The following CAMTA1 variants were observed in gnomAD, a reference collection of about 807,000 sequenced individuals.
CAMTA1 encodes calmodulin-binding transcription activator 1.
A neutral mutation model predicts 170.9 loss-of-function variants in CAMTA1; 27 were observed. The ratio of observed to expected loss-of-function variants is 0.16; its 90% CI spans 0.12 to 0.22. The LOEUF (loss-of-function observed/expected upper bound fraction) is 0.22, where lower values mean the gene tolerates loss of function less well. Ranked by LOEUF, CAMTA1 falls within the 10% of genes least tolerant of loss-of-function variation. The pLI, the probability that CAMTA1 is intolerant of heterozygous loss-of-function variation, is 1.00. For missense variants in CAMTA1, 1,619 were observed against 2,217.2 expected, an observed-to-expected ratio of 0.73 and a Z score of 5.42; for synonymous variants, 833 against 891.5, an observed-to-expected ratio of 0.93 and a Z score of 1.17.
At chr1:6,843,780 C>T (rs960738844) in intron 3 of CAMTA1, among the ~76,000 whole-genome samples, 4 of 152,280 alleles carry the variant, frequency 2.6e-5, no homozygotes, top group African/African-American at 9.6e-5. Flanking sequence ...GCGCCCGGCC[C>T]CAAACTTTTT....
At chr1:6,967,070 T>C (rs12021699) in intron 3 of CAMTA1, among the ~76,000 whole-genome samples, 149,324 of 151,462 alleles carry the variant, frequency 0.99, 73,632 homozygotes, top group Middle Eastern at 1. Flanking sequence ...GGTGAAACCC[T>C]GTCTCTACTA....
intron 6 of CAMTA1, among the ~76,000 whole-genome samples, chr1:7,632,681 G>A (rs1424793927): frequency 6.6e-6 from 1 of 152,264 alleles, no homozygotes; most frequent in Non-Finnish European, 1.5e-5. Flanking sequence ...CCAGGGCGGT[G>A]GGACCCTGCT....
At chr1:7,265,957 A>C (rs1209511969) in intron 5 of CAMTA1, among the ~76,000 whole-genome samples, 1 of 152,216 alleles carries the variant, frequency 6.6e-6, no homozygotes, top group Non-Finnish European at 1.5e-5. Context: ...TGGAGACTTG[A>C]AAGGCACCTG....
chr1:7,735,285 C>A (rs1054777751), intron 12 of CAMTA1, among the ~76,000 whole-genome samples: 1 of 152,052 alleles, frequency 6.6e-6, no homozygotes, highest in Non-Finnish European at 1.5e-5. Context: ...CACTTGAGAT[C>A]GGGTGTTCGA....
chr1:7,687,329 G>A (rs913642466), intron 11 of CAMTA1, among the ~76,000 whole-genome samples: 4 of 151,970 alleles, frequency 2.6e-5, no homozygotes, highest in East Asian at 1.9e-4. Flanking sequence ...AAAAAAGGAC[G>A]TGGTCAGGCA....
intron 5 of CAMTA1, among the ~76,000 whole-genome samples, chr1:7,390,444 C>A (rs1484019046): frequency 6.6e-6 from 1 of 152,210 alleles, no homozygotes; most frequent in African/African-American, 2.4e-5. Context: ...CCCAAAGGAG[C>A]CCGCAGATCC....
chr1:7,023,149 C>T (rs977452517), intron 3 of CAMTA1, among the ~76,000 whole-genome samples: 2 of 152,220 alleles, frequency 1.3e-5, no homozygotes, highest in Non-Finnish European at 2.9e-5. Context: ...TAAGAGTTTC[C>T]TTCAAGAACG....
At chr1:6,816,147 A>T (rs918222966) in intron 1 of CAMTA1, among the ~76,000 whole-genome samples, 2 of 152,218 alleles carry the variant, frequency 1.3e-5, no homozygotes, top group Non-Finnish European at 2.9e-5. Flanking sequence ...GATTTGATTA[A>T]TGATGGAATC....
intron 3 of CAMTA1, among the ~76,000 whole-genome samples, chr1:7,023,831 C>G (rs910007105): frequency 6.6e-6 from 1 of 151,874 alleles, no homozygotes; most frequent in African/African-American, 2.4e-5. Flanking sequence ...AGTTTGAGAC[C>G]AGCCTGACCA....
intron 3 of CAMTA1, among the ~76,000 whole-genome samples, chr1:7,031,162 G>A (rs1361909132): frequency 6.6e-6 from 1 of 151,934 alleles, no homozygotes; most frequent in Non-Finnish European, 1.5e-5. Context: ...ATTATTAAGG[G>A]AGGGATACGG....
At chr1:7,246,813 C>T (rs1249007109) in intron 4 of CAMTA1, among the ~76,000 whole-genome samples, 3 of 151,540 alleles carry the variant, frequency 2.0e-5, no homozygotes, top group Admixed American at 6.6e-5. Context: ...ATTACAGGTG[C>T]CTGCCACCAT....
chr1:7,060,068 C>T (rs1389570269), intron 3 of CAMTA1, among the ~76,000 whole-genome samples: 1 of 152,196 alleles, frequency 6.6e-6, no homozygotes, highest in Non-Finnish European at 1.5e-5. Context: ...GCATAACCTA[C>T]AGGCCTGTGA....
rs114816136 is a variant in CAMTA1, at chr1:7,146,929, C to T, written c.302+55558C>T. ...CATACACATCACACACTCAAATATA[C>T]ACCATGTTCACACACATCACACATT... On this transcript the variant is annotated intron_variant, in intron 4 of 22. Transcript: ENST00000303635. This position sits in a 1 kb window ranked among gnomAD's most constrained non-coding sequence, Gnocchi z 4.3. Among the ~76,000 whole-genome samples the T allele has an allele frequency of 2.0e-5, 3 of 151,990 alleles. No homozygotes were observed. The highest frequency in any genetic ancestry group is 2.9e-5 in the Non-Finnish European group (2 of 67,970).
In CAMTA1 at chr1:7,561,463, C is replaced by T. The variant is rs1416130786; in HGVS notation, c.511-78937C>T. Among the ~76,000 whole-genome samples, 5 of 151,788 alleles carry T rather than the reference C, an allele frequency of 3.3e-5. No individual in the cohort carries two copies. In the South Asian group the frequency reaches 1.0e-3, roughly 31 times the overall value. On this transcript the variant is annotated intron_variant, in intron 6 of 22. Coordinates refer to ENST00000303635, the MANE Select transcript of CAMTA1 (RefSeq NM_015215.4). The surrounding 1 kb of genome is among the most constrained non-coding windows in gnomAD (Gnocchi z 5.3). ...AGGGCATGGGACTCTCCCTGCTGGGCACACCCCAGCGGCACCAGCACACTC... is the reference window on the plus strand; with the variant it reads ...AGGGCATGGGACTCTCCCTGCTGGGTACACCCCAGCGGCACCAGCACACTC...
intron 6 of CAMTA1, among the ~76,000 whole-genome samples, chr1:7,622,106 G>A (rs545085814): frequency 1.7e-4 from 26 of 152,318 alleles, no homozygotes; most frequent in African/African-American, 6.0e-4. Context: ...GGGGGAGGAG[G>A]AGGAAGCGGA....
intron 6 of CAMTA1, among the ~76,000 whole-genome samples, chr1:7,579,552 CTTTTTTTTTTTTT>C (rs3034816): frequency 1.3e-5 from 1 of 79,194 alleles, no homozygotes; most frequent in Admixed American, 1.6e-4. Flanking sequence ...CTTTTCTTTT[CTTTTTTTTTTTTT>C]TTTTTTTTTT....
chr1:7,595,837 C>G (rs1386344523), intron 6 of CAMTA1, among the ~76,000 whole-genome samples: 1 of 152,216 alleles, frequency 6.6e-6, no homozygotes, highest in Non-Finnish European at 1.5e-5. Flanking sequence ...AACCCCCCAC[C>G]CCACCTGGGC....
At chr1:7,505,107 A>G (rs189203415) in intron 6 of CAMTA1, among the ~76,000 whole-genome samples, 139 of 152,352 alleles carry the variant, frequency 9.1e-4, no homozygotes, top group Middle Eastern at 6.8e-3. Context: ...CGGAAGTGGC[A>G]CAAGCACACA....
intron 6 of CAMTA1, among the ~76,000 whole-genome samples, chr1:7,469,029 C>T (rs569315963): frequency 3.9e-5 from 6 of 152,346 alleles, no homozygotes; most frequent in South Asian, 2.1e-4. Flanking sequence ...CTCTATCCAT[C>T]GGCTCTGCCC....
Sources: gnomAD v4.1 joint callset for allele counts (sites outside exome capture counted in the v4.1 genomes callset) on GRCh38, gnomAD v4.1.1 for gene constraint, Gnocchi (gnomAD v3.1) non-coding constraint, MANE v1.5 for transcripts, NCBI Gene and HGNC (gene_info 2026-07-23, HGNC 2026-07-21) for gene names.